Variants in LRBA observed in about 807,000 individuals in gnomAD.
LRBA encodes the protein lipopolysaccharide-responsive and beige-like anchor protein.
In LRBA, 176 loss-of-function variants were observed where a neutral mutation model predicts 330.0. The ratio of observed to expected loss-of-function variants is 0.53; its 90% confidence interval spans 0.47 to 0.60. The LOEUF (loss-of-function observed/expected upper bound fraction) is 0.60. Ranked by LOEUF, LRBA falls within the 20% of genes least tolerant of loss-of-function variation. LRBA has a pLI of 0.00. For synonymous variants in LRBA, 1,230 were observed against 1,193.0 expected (o/e 1.03, Z -0.64); for missense variants, 3,259 against 3,444.8 (o/e 0.95, Z 1.35).
Position 150,315,624 on chromosome 4 carries a change from C to A in LRBA, c.7631-1G>T. 6.4e-7 allele frequency: 1 copy of A among 1,569,638 alleles called. No homozygotes were observed. The highest frequency in any genetic ancestry group is 8.6e-7 in the Non-Finnish European group (1 of 1,164,174). ...TGGTCTTGTACAGCACCTTGATGAG[C>A]TGGAATTCACAAAAGATAAAGAAAA... On this transcript the variant is annotated splice_acceptor_variant, in intron 50 of 56. Transcript: ENST00000651943. LOFTEE classifies it high-confidence loss of function.
At chr4:150,989,029 GTC>G (rs1266447397) in intron 2 of LRBA, among the ~76,000 whole-genome samples, 2 of 151,898 alleles carry the variant, frequency 1.3e-5, no homozygotes, top group Admixed American at 1.3e-4. Flanking sequence ...TTGAGACAGA[GTC>G]TCACTCTGTC....
chr4:150,932,832 C>T (rs1180824058), intron 2 of LRBA, among the ~76,000 whole-genome samples: 1 of 151,982 alleles, frequency 6.6e-6, no homozygotes, highest in Non-Finnish European at 1.5e-5. Context: ...ACAAGAATCA[C>T]TTGAACCCAC....
Position 150,583,635 on chromosome 4 carries a change from G to C in LRBA, c.6330+4413C>G, listed in dbSNP as rs1487581953. 1.2e-6 allele frequency: 2 copies of C among 1,614,024 alleles called. No individual in the cohort carries two copies. The highest frequency in any genetic ancestry group is 3.3e-5 in the Admixed American group (2 of 60,024). On this transcript the variant is annotated intron_variant, in intron 40 of 56. Transcript: ENST00000651943. This position sits in a 1 kb window ranked among gnomAD's most constrained non-coding sequence, Gnocchi z 9.8. ...GGCCCGGCCCCAATCGGGTGGCCGAGGTCAAGGCCGAAGGGTTCAACTTGC... is the reference window on the plus strand; with the variant it reads ...GGCCCGGCCCCAATCGGGTGGCCGACGTCAAGGCCGAAGGGTTCAACTTGC...
chr4:150,844,255 A>T (rs1171016182), intron 27 of LRBA, 48 bp from the exon 28 acceptor site: 9 of 894,180 alleles, frequency 1.0e-5, no homozygotes, highest in Non-Finnish European at 1.4e-5. Flanking sequence ...TCATATATAC[A>T]TTACACAGAT....
At chr4:150,492,952 C>T (rs576540416) in intron 40 of LRBA, among the ~76,000 whole-genome samples, 2 of 152,252 alleles carry the variant, frequency 1.3e-5, no homozygotes, top group East Asian at 3.9e-4. Flanking sequence ...AGATTTTCTT[C>T]ATAATACTTA....
chr4:150,991,053 C>CAAAAAA (rs543266001), intron 2 of LRBA, among the ~76,000 whole-genome samples: 3 of 60,012 alleles, frequency 5.0e-5, no homozygotes, highest in Admixed American at 3.3e-4. Flanking sequence ...ACTCTGTCTC[C>CAAAAAA]AAAAAAAAAA....
rs2126779294 is a variant in LRBA, at chr4:150,285,853, G to A, written c.8119+80C>T. 14 of 796,434 alleles carry A rather than the reference G, an allele frequency of 1.8e-5. No homozygotes were observed. The South Asian group carries it at 3.4e-4, about 20-fold the overall frequency. The allele number at this position is 796,434 out of a possible 1,614,324, so 49.3% of individuals were successfully genotyped here. A position where few individuals can be genotyped will look rare whatever the true frequency, so the allele number is the denominator to read the frequency against. ...AACAGACAGAAGCTTTAGAAAAAAG[G>A]TACCAAATTAATCTTTGGTAATTTG... is the stretch of plus-strand genomic sequence containing the variant. On this transcript the variant is annotated intron_variant, in intron 54 of 56. Coordinates refer to ENST00000651943, the MANE Select transcript of LRBA (RefSeq NM_001364905.1).
At chr4:150,574,240 A>G (rs1311383416) in intron 40 of LRBA, among the ~76,000 whole-genome samples, 2 of 152,052 alleles carry the variant, frequency 1.3e-5, no homozygotes, top group Non-Finnish European at 2.9e-5. Context: ...TTGTCTCCAA[A>G]CTATATTTTG....
At chr4:150,996,839 C>T (rs1197388852) in intron 2 of LRBA, among the ~76,000 whole-genome samples, 2 of 152,134 alleles carry the variant, frequency 1.3e-5, no homozygotes, top group South Asian at 2.1e-4. Flanking sequence ...GACACTTGAG[C>T]ATCATTGACC....
chr4:150,448,043 A>G (rs1752828640), intron 44 of LRBA, among the ~76,000 whole-genome samples: 1 of 152,240 alleles, frequency 6.6e-6, no homozygotes, highest in Non-Finnish European at 1.5e-5. Flanking sequence ...TCATATTTAA[A>G]AAGCTAGCTA....
intron 29 of LRBA, among the ~76,000 whole-genome samples, chr4:150,829,468 T>C (rs986082777): frequency 1.3e-5 from 2 of 152,232 alleles, no homozygotes; most frequent in African/African-American, 4.8e-5. Context: ...TGCATCTTGC[T>C]AACTCCAATG....
intron 46 of LRBA, among the ~76,000 whole-genome samples, chr4:150,426,785 C>G (rs1361343505): frequency 6.6e-6 from 1 of 151,762 alleles, no homozygotes; most frequent in South Asian, 2.1e-4. Context: ...ATACTTCCTG[C>G]CAAATAACTA....
intron 30 of LRBA, among the ~76,000 whole-genome samples, chr4:150,817,579 G>A (rs1170473420): frequency 2.7e-5 from 4 of 150,600 alleles, no homozygotes; most frequent in South Asian, 4.2e-4. Flanking sequence ...AAAATTCAAC[G>A]TTTCCACAAG....
Position 150,583,291 on chromosome 4 carries a change from T to C in LRBA, c.6330+4757A>G. ...CCTAAACCAGATGGGCGTCTTCAACTTCGTGGACGACGGCTCGCTGCCCGG... is the reference window on the plus strand; with the variant it reads ...CCTAAACCAGATGGGCGTCTTCAACCTCGTGGACGACGGCTCGCTGCCCGG... On this transcript the variant is annotated intron_variant, in intron 40 of 56. Transcript: ENST00000651943. This position sits in a 1 kb window ranked among gnomAD's most constrained non-coding sequence, Gnocchi z 9.8. 6.2e-7 allele frequency: 1 copy of C among 1,614,190 alleles called. No individual in the cohort carries two copies. Among genetic ancestry groups the C allele is most frequent in the Non-Finnish European group, 8.5e-7 (1 of 1,180,026 alleles).
rs375113636 is a variant in LRBA at position 150,852,508 on chromosome 4, T to C, written c.3202A>G (p.Thr1068Ala). Reference sequence around the variant, plus strand: ...CTGACAGTCATTGAATCTTTGCCAGTTGTTATAAAAGAATTAGAGGAAATA... The same window carrying C: ...CTGACAGTCATTGAATCTTTGCCAGCTGTTATAAAAGAATTAGAGGAAATA... Reference protein sequence around the residue: ...VAISSNSFITTGKDSMTVSEV... With the variant: ...VAISSNSFITAGKDSMTVSEV... The change falls in exon 23 of 57, where the codon ACT becomes GCT. Residue 1068 changes from threonine to alanine, a missense_variant. Thr to Ala is a moderately conservative substitution (Grantham distance 58, BLOSUM62 0). Transcript: ENST00000651943. 8.1e-6 allele frequency: 13 copies of C among 1,613,666 alleles called. No homozygotes were observed. Among genetic ancestry groups the C allele is most frequent in the East Asian group, 2.2e-5 (1 of 44,882 alleles).
intron 33 of LRBA, among the ~76,000 whole-genome samples, chr4:150,799,234 A>G (rs147371027): frequency 1.9e-4 from 29 of 152,334 alleles, no homozygotes; most frequent in African/African-American, 6.7e-4. Context: ...GTAACATAGA[A>G]ATGATGGTAA....
intron 4 of LRBA, among the ~76,000 whole-genome samples, chr4:150,923,323 T>C (rs1263462680): frequency 1.3e-5 from 2 of 152,266 alleles, no homozygotes; most frequent in East Asian, 3.9e-4. Context: ...TCCATCCTTT[T>C]TTCAGTCTTC....
At chr4:150,508,494 G>A (rs1761436940) in intron 40 of LRBA, among the ~76,000 whole-genome samples, 1 of 152,046 alleles carries the variant, frequency 6.6e-6, no homozygotes, top group South Asian at 2.1e-4. Context: ...TCACCATGTT[G>A]GCTAGGCTGG....
At chr4:150,575,025 T>C (rs1378471149) in intron 40 of LRBA, among the ~76,000 whole-genome samples, 2 of 151,908 alleles carry the variant, frequency 1.3e-5, no homozygotes, top group Non-Finnish European at 2.9e-5. Flanking sequence ...ATTACCTATA[T>C]ACCAAATCAG....
Sources: allele counts gnomAD v4.1 joint callset (sites outside exome capture counted in the v4.1 genomes callset), GRCh38; gene constraint gnomAD v4.1.1; non-coding constraint Gnocchi (gnomAD v3.1); transcripts MANE v1.5; gene names NCBI Gene and HGNC (gene_info 2026-07-23, HGNC 2026-07-21).